The following SAMD12 variants were observed in gnomAD, a reference collection of about 807,000 sequenced individuals.
The protein encoded by SAMD12 is sterile alpha motif domain-containing protein 12.
SAMD12 carries 9 observed loss-of-function variants against 15.0 expected under a neutral mutation model. The observed-to-expected ratio is 0.60, with a 90% CI of 0.36 to 1.05. SAMD12 has a LOEUF of 1.05. SAMD12 is among the 50% of genes least tolerant of loss of function. SAMD12 has a pLI of 0.01. For synonymous variants in SAMD12, 86 were observed against 90.1 expected (o/e 0.96, Z 0.25); for missense variants, 230 against 234.2 (o/e 0.98, Z 0.12).
intron 4 of SAMD12, among the ~76,000 whole-genome samples, chr8:118,335,750 C>T (rs1817024674): frequency 6.6e-6 from 1 of 152,156 alleles, no homozygotes; most frequent in African/African-American, 2.4e-5. Flanking sequence ...ATGGCAGGTA[C>T]TGCACTTGTA....
the SAMD12 span, among the ~76,000 whole-genome samples, chr8:118,141,747 C>A: frequency 6.6e-6 from 1 of 152,138 alleles, no homozygotes; most frequent in Non-Finnish European, 1.5e-5. Context: ...TTTAATTTAC[C>A]TTTTGCTGTG....
At chr8:118,175,104 A>G in the SAMD12 span, among the ~76,000 whole-genome samples, 2 of 152,266 alleles carry the variant, frequency 1.3e-5, no homozygotes, top group African/African-American at 4.8e-5. Context: ...AAACTATACT[A>G]CAAGGCTAAC....
intron 2 of SAMD12, among the ~76,000 whole-genome samples, chr8:118,456,588 C>G (rs10090978): frequency 0.2 from 29,844 of 152,098 alleles, 4,046 homozygotes; most frequent in African/African-American, 0.39. Flanking sequence ...GTATCTGTTC[C>G]TGTTCCAATT....
chr8:118,217,458 G>C (rs1811990742), intron 4 of SAMD12, among the ~76,000 whole-genome samples: 1 of 152,212 alleles, frequency 6.6e-6, no homozygotes, highest in African/African-American at 2.4e-5. Context: ...TCAGAACTGG[G>C]TAAGGGAGTT....
chr8:118,547,445 A>G (rs1826164540), intron 2 of SAMD12, among the ~76,000 whole-genome samples: 1 of 152,144 alleles, frequency 6.6e-6, no homozygotes, highest in South Asian at 2.1e-4. Context: ...TTGGGTTGTA[A>G]TTAATCATTT....
At chr8:118,597,576 G>T (rs538881932) in intron 1 of SAMD12, among the ~76,000 whole-genome samples, 33 of 152,308 alleles carry the variant, frequency 2.2e-4, no homozygotes, top group African/African-American at 7.0e-4. Context: ...CTGAAGTCTC[G>T]CCCTGCAGGC....
At chr8:118,462,813 A>G (rs1823464377) in intron 2 of SAMD12, among the ~76,000 whole-genome samples, 1 of 152,278 alleles carries the variant, frequency 6.6e-6, no homozygotes, top group Non-Finnish European at 1.5e-5. Context: ...AGAAATAGAT[A>G]AAAAGTGGGC....
intron 4 of SAMD12, among the ~76,000 whole-genome samples, chr8:118,367,051 T>A (rs1818840161): frequency 6.6e-6 from 1 of 151,962 alleles, no homozygotes; most frequent in African/African-American, 2.4e-5. Context: ...CCATTCACAG[T>A]GTAGTCTATG....
intron 4 of SAMD12, among the ~76,000 whole-genome samples, chr8:118,244,883 A>T (rs1353987460): frequency 6.6e-6 from 1 of 152,182 alleles, no homozygotes; most frequent in Non-Finnish European, 1.5e-5. Flanking sequence ...AGCCCTGTGT[A>T]GGGTTTTATA....
chr8:118,311,945 A>C (rs1815652682), intron 4 of SAMD12, among the ~76,000 whole-genome samples: 1 of 152,202 alleles, frequency 6.6e-6, no homozygotes, highest in South Asian at 2.1e-4. Context: ...TAGGTCCAAA[A>C]GGCAGTTAAT....
chr8:118,483,973 G>A (rs1824204798), intron 2 of SAMD12, among the ~76,000 whole-genome samples: 1 of 152,186 alleles, frequency 6.6e-6, no homozygotes, highest in Admixed American at 6.5e-5. Context: ...TGCACAACAA[G>A]AAACTAAACT....
At chr8:118,576,442 C>A (rs762510387) in intron 2 of SAMD12, among the ~76,000 whole-genome samples, 27 of 152,318 alleles carry the variant, frequency 1.8e-4, no homozygotes, top group Middle Eastern at 6.8e-3. Flanking sequence ...CTTGAAGAGA[C>A]TGATGTTGAA....
In SAMD12 at chr8:118,289,459, C is replaced by G. The variant is rs140289661; in HGVS notation, c.433+90101G>C. Among the ~76,000 whole-genome samples, 135 of 152,298 alleles carry G rather than the reference C, an allele frequency of 8.9e-4. 1 individual carries two copies. The East Asian group carries it at 0.022, about 25-fold the overall frequency. ...AGTTAAATGTTCTATTTTCCAAATG[C>G]AAGTTGAATGATATGAAGGGTCTAG... On this transcript the variant is annotated intron_variant, in intron 4 of 4. Coordinates refer to the SAMD12 transcript ENST00000409003.
rs78149610 is a variant in SAMD12, at chr8:118,491,730, C to T, written c.193-51769G>A. The stretch of plus-strand genomic sequence containing the variant: ...ATGTGCATGTGTCTGGCTTCCTTCA[C>T]TCAACACAATGTGTATGAGAATCAA... On this transcript the variant is annotated intron_variant, in intron 2 of 3. Transcript: ENST00000314727. 9.2e-3 allele frequency among the ~76,000 whole-genome samples: 1,394 copies of T among 152,240 alleles called. 7 individuals carry two copies. The highest frequency in any genetic ancestry group is 0.013 in the Admixed American group (205 of 15,284).
At chr8:118,387,630 C>G in intron 3 of SAMD12, among the ~76,000 whole-genome samples, 1 of 152,104 alleles carries the variant, frequency 6.6e-6, no homozygotes, top group African/African-American at 2.4e-5. Context: ...GGCCTTATAC[C>G]TAATAACCTG....
chr8:118,505,093 A>G lies in SAMD12; in HGVS notation c.193-65132T>C, dbSNP rs527612277. Among the ~76,000 whole-genome samples the G allele has an allele frequency of 1.1e-4, 16 of 152,358 alleles. No individual in the cohort carries two copies. The East Asian group carries it at 3.1e-3, about 29-fold the overall frequency. On this transcript the variant is annotated intron_variant, in intron 2 of 3. Transcript: ENST00000314727. Reference sequence around the variant, plus strand: ...TGATAACTTGATAAGGTAGGCACAGAAAACTTATACAAAGGCATACATGTG... The same window carrying G: ...TGATAACTTGATAAGGTAGGCACAGGAAACTTATACAAAGGCATACATGTG...
At chr8:118,542,824 C>T (rs141628302) in intron 2 of SAMD12, among the ~76,000 whole-genome samples, 45 of 152,244 alleles carry the variant, frequency 3.0e-4, no homozygotes, top group Non-Finnish European at 6.2e-4. Context: ...AACAGAACCA[C>T]GGACTTCCCA....
the SAMD12 span, among the ~76,000 whole-genome samples, chr8:118,182,633 TA>T: frequency 9.4e-4 from 143 of 152,134 alleles, no homozygotes; most frequent in African/African-American, 2.9e-3. Context: ...TGAATAAACA[TA>T]AAAAAAACTT....
chr8:118,253,670 T>C (rs1161801500), intron 4 of SAMD12, among the ~76,000 whole-genome samples: 1 of 152,178 alleles, frequency 6.6e-6, no homozygotes, highest in African/African-American at 2.4e-5. Flanking sequence ...GCACGATCTC[T>C]GAAGTTTAGT....
Sources: gnomAD v4.1 joint callset for allele counts (sites outside exome capture counted in the v4.1 genomes callset) on GRCh38, gnomAD v4.1.1 for gene constraint, MANE v1.5 for transcripts, NCBI Gene and HGNC (gene_info 2026-07-23, HGNC 2026-07-21) for gene names.